The following COL25A1 variants were observed in gnomAD, a reference collection of about 807,000 sequenced individuals.
COL25A1 encodes the protein collagen alpha-1(XXV) chain.
A neutral mutation model predicts 128.4 loss-of-function variants in COL25A1; 103 were observed. The ratio of observed to expected loss-of-function variants is 0.80; its 90% CI spans 0.68 to 0.94. COL25A1 has a LOEUF of 0.94. Among genes scored for constraint, COL25A1 ranks in the 40% least tolerant of loss-of-function variants. COL25A1 has a pLI of 0.00. For synonymous variants in COL25A1, 279 were observed against 277.2 expected, an observed-to-expected ratio of 1.01 and a Z score of -0.06; for missense variants, 745 against 840.0, an observed-to-expected ratio of 0.89 and a Z score of 1.40.
chr4:108,937,919 T>C (rs1253217973), intron 10 of COL25A1, 76 bp from the exon 11 acceptor site: 1 of 1,150,404 alleles, frequency 8.7e-7, no homozygotes, highest in Non-Finnish European at 1.3e-6. Context: ...TTTTTCTTCT[T>C]TGACTGGGGC....
chr4:109,009,489 T>C (rs1209947778), intron 6 of COL25A1, among the ~76,000 whole-genome samples: 1 of 152,168 alleles, frequency 6.6e-6, no homozygotes, highest in African/African-American at 2.4e-5. Flanking sequence ...TGGTATGAGG[T>C]GGAGTACACA....
intron 3 of COL25A1, among the ~76,000 whole-genome samples, chr4:109,074,718 T>C (rs985396630): frequency 6.6e-6 from 1 of 152,194 alleles, no homozygotes; most frequent in African/African-American, 2.4e-5. Flanking sequence ...TACTCATTTA[T>C]AATAGTGCCA....
At chr4:109,012,615 ACCTGGGCCAGCAGCTGCAGAGGGGGCG>A (rs1756729740) in intron 5 of COL25A1, among the ~76,000 whole-genome samples, 1 of 151,246 alleles carries the variant, frequency 6.6e-6, no homozygotes, top group South Asian at 2.1e-4. Context: ...GGGGCTTAGC[ACCTGGGCCAGCAGCTGCAGAGGGGGCG>A]CCAGGTCCCC....
chr4:108,860,111 G>T (rs570303257), intron 23 of COL25A1, among the ~76,000 whole-genome samples: 17 of 151,992 alleles, frequency 1.1e-4, no homozygotes, highest in Non-Finnish European at 2.2e-4. Flanking sequence ...CTCATACATT[G>T]CTTCCTCATT....
intron 18 of COL25A1, among the ~76,000 whole-genome samples, chr4:108,887,658 TC>T (rs1740989696): frequency 6.6e-6 from 1 of 152,196 alleles, no homozygotes; most frequent in Non-Finnish European, 1.5e-5. Context: ...AATCCAGTGT[TC>T]CCATGAGTAA....
At chr4:108,926,580 C>T (rs934581246) in intron 11 of COL25A1, among the ~76,000 whole-genome samples, 6 of 152,114 alleles carry the variant, frequency 3.9e-5, no homozygotes, top group Admixed American at 1.3e-4. Context: ...AACATTAGTA[C>T]CAGACTTTCT....
At chr4:108,968,521 C>T (rs1299442390) in intron 8 of COL25A1, among the ~76,000 whole-genome samples, 2 of 150,972 alleles carry the variant, frequency 1.3e-5, no homozygotes, top group Non-Finnish European at 2.9e-5. Context: ...GGTGTTCACA[C>T]AATGCAGTGT....
At chr4:108,870,654 T>C (rs1198535584) in intron 19 of COL25A1, among the ~76,000 whole-genome samples, 4 of 152,220 alleles carry the variant, frequency 2.6e-5, no homozygotes, top group Non-Finnish European at 4.4e-5. Context: ...ATTCTACTTC[T>C]AGTAAAAGAG....
At position 108,896,817 on chromosome 4, in the gene COL25A1, C is replaced by A. The variant is rs376388272; in HGVS notation, c.862-106G>T. On this transcript the variant is annotated intron_variant, in intron 15 of 37. Coordinates refer to ENST00000399132, the MANE Select transcript of COL25A1 (RefSeq NM_198721.4). Reference sequence around the variant, plus strand: ...TTTCATGAACACTACATATTAAAATCTGTTGCAAATGCTCTATAGAGCTAA... The same window carrying A: ...TTTCATGAACACTACATATTAAAATATGTTGCAAATGCTCTATAGAGCTAA... The A allele has an allele frequency of 1.6e-4, 155 of 977,526 alleles. 1 individual carries two copies. Among genetic ancestry groups the A allele is most frequent in the Middle Eastern group, 8.5e-4 (4 of 4,708 alleles). 60.6% of individuals were successfully genotyped at this position (977,526 alleles called of 1,614,324 possible).
intron 3 of COL25A1, among the ~76,000 whole-genome samples, chr4:109,071,613 C>A (rs188106879): frequency 6.6e-6 from 1 of 152,108 alleles, no homozygotes; most frequent in Non-Finnish European, 1.5e-5. Flanking sequence ...AAAAAACAAA[C>A]AACCCCATCA....
At chr4:109,115,195 C>T (rs1767421910) in intron 3 of COL25A1, among the ~76,000 whole-genome samples, 1 of 152,068 alleles carries the variant, frequency 6.6e-6, no homozygotes. Flanking sequence ...TAACCCCACA[C>T]TTGATACTTA....
chr4:108,910,062 C>CTGA (rs1744025895), intron 13 of COL25A1, among the ~76,000 whole-genome samples: 1 of 152,118 alleles, frequency 6.6e-6, no homozygotes, highest in South Asian at 2.1e-4. Flanking sequence ...TAAGGAAATA[C>CTGA]CTTTATTTTT....
intron 3 of COL25A1, among the ~76,000 whole-genome samples, chr4:109,156,872 T>C (rs1347502004): frequency 1.3e-5 from 2 of 152,214 alleles, no homozygotes; most frequent in East Asian, 1.9e-4. Flanking sequence ...GTACCTTTCA[T>C]TACATTCTCA....
rs2305438 is a variant in COL25A1 at position 108,813,557 on chromosome 4, T to C, written c.*370A>G. 0.51 allele frequency: 106,475 copies of C among 209,382 alleles called. 28,313 individuals carry two copies. Among genetic ancestry groups the C allele is most frequent in the Middle Eastern group, 0.62 (343 of 552 alleles). 13.0% of individuals were successfully genotyped at this position (209,382 alleles called of 1,614,324 possible). A position where few individuals can be genotyped will look rare whatever the true frequency, so the allele number is the denominator to read the frequency against. On this transcript the variant is annotated 3_prime_UTR_variant, in exon 38 of 38. Transcript: ENST00000399132. Reference sequence around the variant, plus strand: ...GTACATTTTCATAGCTTTGAGTCCATATTTGGTCACCATTTCATGTAAACT... The same window carrying C: ...GTACATTTTCATAGCTTTGAGTCCACATTTGGTCACCATTTCATGTAAACT...
chr4:108,974,467 T>C (rs2125988728), intron 7 of COL25A1, 66 bp downstream of exon 7: 1 of 1,606,158 alleles, frequency 6.2e-7, no homozygotes, highest in Non-Finnish European at 8.5e-7. Flanking sequence ...GATCAAAATG[T>C]AACACAGTAT....
intron 3 of COL25A1, among the ~76,000 whole-genome samples, chr4:109,189,456 G>A (rs1775403513): frequency 1.3e-5 from 2 of 148,206 alleles, no homozygotes; most frequent in African/African-American, 5.0e-5. Flanking sequence ...GCTGAGGCAG[G>A]AGAATGGCAT....
chr4:108,938,570 C>T (rs1412617465), intron 10 of COL25A1, among the ~76,000 whole-genome samples: 1 of 152,150 alleles, frequency 6.6e-6, no homozygotes, highest in East Asian at 1.9e-4. Flanking sequence ...GCTTGGGCAA[C>T]ACAGCAAAGA....
At chr4:109,260,519 G>A (rs962388290) in intron 3 of COL25A1, among the ~76,000 whole-genome samples, 13 of 151,640 alleles carry the variant, frequency 8.6e-5, no homozygotes, top group Admixed American at 3.3e-4. Context: ...TTTTTGAGGC[G>A]GAGTCTCTCT....
At chr4:109,274,453 T>C (rs2126268108) in intron 3 of COL25A1, among the ~76,000 whole-genome samples, 2 of 152,272 alleles carry the variant, frequency 1.3e-5, no homozygotes, top group Middle Eastern at 6.9e-3. Flanking sequence ...TTAACAACTA[T>C]GGAAAGATTA....
Sources: allele counts gnomAD v4.1 joint callset (sites outside exome capture counted in the v4.1 genomes callset), GRCh38; gene constraint gnomAD v4.1.1; transcripts MANE v1.5; gene names NCBI Gene and HGNC (gene_info 2026-07-23, HGNC 2026-07-21).